The following GTF2F2 variants were observed in gnomAD, a reference collection of about 807,000 sequenced individuals.
GTF2F2 encodes the protein ATP-dependent helicase GTF2F2.
A neutral mutation model predicts 42.2 loss-of-function variants in GTF2F2; 23 were observed. That is an observed-to-expected ratio of 0.55 (90% CI 0.39 to 0.77). GTF2F2 has a LOEUF of 0.77. Among genes scored for constraint, GTF2F2 ranks in the 30% least tolerant of loss-of-function variants. The pLI is 0.00. For missense variants in GTF2F2, 261 were observed against 287.2 expected (o/e 0.91, Z 0.66); for synonymous variants, 105 against 100.8 (o/e 1.04, Z -0.25).
At chr13:45,147,703 C>A (rs1870270172) in intron 2 of GTF2F2, among the ~76,000 whole-genome samples, 1 of 152,348 alleles carries the variant, frequency 6.6e-6, no homozygotes, top group South Asian at 2.1e-4. Flanking sequence ...GTAAACAAAT[C>A]TGCGGAAAAA....
chr13:45,280,837 C>T (rs1345501906), intron 7 of GTF2F2, among the ~76,000 whole-genome samples: 1 of 152,202 alleles, frequency 6.6e-6, no homozygotes, highest in Non-Finnish European at 1.5e-5. Flanking sequence ...TATGGAGCTA[C>T]TAAAATGCTC....
At chr13:45,241,753 A>G (rs898428105) in intron 5 of GTF2F2, among the ~76,000 whole-genome samples, 1 of 152,132 alleles carries the variant, frequency 6.6e-6, no homozygotes, top group Non-Finnish European at 1.5e-5. Context: ...AAAACCAAAT[A>G]ACCCTCTCTG....
chr13:45,263,358 A>G (rs912935728), intron 6 of GTF2F2, among the ~76,000 whole-genome samples: 3 of 152,048 alleles, frequency 2.0e-5, no homozygotes, highest in East Asian at 3.9e-4. Context: ...CCTCCCGAGT[A>G]GCTGAGACTT....
chr13:45,184,898 A>G (rs1271956206), intron 4 of GTF2F2, among the ~76,000 whole-genome samples: 2 of 152,096 alleles, frequency 1.3e-5, no homozygotes, highest in African/African-American at 2.4e-5. Context: ...ACTGCAGCCA[A>G]TCTCCTGTGC....
chr13:45,232,148 T>C (rs551132560), intron 5 of GTF2F2, among the ~76,000 whole-genome samples: 17 of 152,352 alleles, frequency 1.1e-4, no homozygotes, highest in Admixed American at 5.9e-4. Flanking sequence ...AGTAGCTGGC[T>C]GGAGAAACAT....
chr13:45,174,390 G>A (rs1309992649), intron 4 of GTF2F2, among the ~76,000 whole-genome samples: 1 of 152,074 alleles, frequency 6.6e-6, no homozygotes, highest in Non-Finnish European at 1.5e-5. Context: ...AGCTGAAATA[G>A]AACATGTTCA....
At chr13:45,185,245 T>C (rs1338969858) in intron 4 of GTF2F2, among the ~76,000 whole-genome samples, 1 of 152,154 alleles carries the variant, frequency 6.6e-6, no homozygotes, top group Non-Finnish European at 1.5e-5. Flanking sequence ...ACAATCTGCC[T>C]GATATCCAGA....
chr13:45,242,446 C>T (rs1160272784), intron 5 of GTF2F2, among the ~76,000 whole-genome samples: 1 of 152,004 alleles, frequency 6.6e-6, no homozygotes, highest in Non-Finnish European at 1.5e-5. Context: ...TTAGAAAATA[C>T]ACATTCTTTT....
chr13:45,207,368 T>C (rs1448245652), intron 4 of GTF2F2, 56 bp from the exon 5 acceptor site: 3 of 1,018,732 alleles, frequency 2.9e-6, no homozygotes, highest in South Asian at 2.6e-5. Context: ...TGTGTCAAAA[T>C]ACAGTCTTGA....
At chr13:45,225,225 C>CAA (rs1366807606) in intron 5 of GTF2F2, among the ~76,000 whole-genome samples, 1 of 152,150 alleles carries the variant, frequency 6.6e-6, no homozygotes, top group African/African-American at 2.4e-5. Context: ...CAAGGAGGTA[C>CAA]AACTTTCGGA....
Position 45,136,664 on chromosome 13 carries a change from T to C in GTF2F2, c.67-69T>C, listed in dbSNP as rs1869639085. On this transcript the variant is annotated intron_variant, in intron 1 of 7. Transcript: ENST00000340473. Reference sequence around the variant, plus strand: ...AGGCAGAAAATAAAAATAGAAGCAATATATCATTTTATGTTTGAAAAGATG... The same window carrying C: ...AGGCAGAAAATAAAAATAGAAGCAACATATCATTTTATGTTTGAAAAGATG... The C allele has an allele frequency of 8.7e-6, 7 of 802,522 alleles. No individual in the cohort carries two copies. The East Asian group carries it at 1.8e-4, about 20-fold the overall frequency. The allele number at this position is 802,522 out of a possible 1,614,324, so 49.7% of individuals were successfully genotyped here.
chr13:45,125,974 G>C (rs1868973177), intron 1 of GTF2F2, among the ~76,000 whole-genome samples: 1 of 152,142 alleles, frequency 6.6e-6, no homozygotes, highest in African/African-American at 2.4e-5. Context: ...CCAGTAAGTG[G>C]GCGTGACCTT....
intron 1 of GTF2F2, among the ~76,000 whole-genome samples, chr13:45,126,516 C>T (rs1869011350): frequency 6.6e-6 from 1 of 152,166 alleles, no homozygotes; most frequent in African/African-American, 2.4e-5. Context: ...TCCCAAACTG[C>T]TGGGATTACA....
chr13:45,194,319 A>G (rs201906993), intron 4 of GTF2F2: 38 of 1,614,056 alleles, frequency 2.4e-5, no homozygotes, highest in African/African-American at 1.3e-5. Context: ...TGAAGAGGAG[A>G]CCATCCCTGT....
intron 4 of GTF2F2, among the ~76,000 whole-genome samples, chr13:45,171,481 G>A (rs1012881059): frequency 4.6e-5 from 7 of 152,160 alleles, no homozygotes; most frequent in African/African-American, 1.7e-4. Context: ...TTTGCAATGA[G>A]TAAGAAGGAT....
intron 4 of GTF2F2, among the ~76,000 whole-genome samples, chr13:45,200,258 G>A (rs1185612845): frequency 6.6e-6 from 1 of 151,142 alleles, no homozygotes; most frequent in African/African-American, 2.4e-5. Context: ...AGAGAGAGAG[G>A]GAGAGACAAA....
At chr13:45,167,483 C>T (rs1002479343) in intron 4 of GTF2F2, among the ~76,000 whole-genome samples, 6 of 150,730 alleles carry the variant, frequency 4.0e-5, no homozygotes, top group Non-Finnish European at 5.9e-5. Flanking sequence ...CTGCAACCTC[C>T]GCCTCCCAGG....
intron 5 of GTF2F2, among the ~76,000 whole-genome samples, chr13:45,236,580 T>C (rs1212722010): frequency 6.6e-6 from 1 of 151,714 alleles, no homozygotes; most frequent in African/African-American, 2.4e-5. Context: ...ATCTAATCTT[T>C]TGGGATTATG....
intron 4 of GTF2F2, among the ~76,000 whole-genome samples, chr13:45,161,266 A>G (rs966905445): frequency 6.6e-6 from 1 of 152,206 alleles, no homozygotes; most frequent in African/African-American, 2.4e-5. Context: ...AACACAGTGA[A>G]AAAGGTAATT....
Sources: allele counts gnomAD v4.1 joint callset (sites outside exome capture counted in the v4.1 genomes callset), GRCh38; gene constraint gnomAD v4.1.1; transcripts MANE v1.5; gene names NCBI Gene and HGNC (gene_info 2026-07-23, HGNC 2026-07-21).